Variants in TMTC3 observed in about 807,000 individuals in gnomAD.
TMTC3 encodes protein O-mannosyl-transferase TMTC3.
Under a neutral mutation model 92.2 loss-of-function variants are expected in TMTC3, and 52 were observed. That is an observed-to-expected ratio of 0.56 (90% confidence interval 0.45 to 0.71). The LOEUF (loss-of-function observed/expected upper bound fraction) is 0.71. Ranked by LOEUF, TMTC3 falls within the 30% of genes least tolerant of loss-of-function variation. The pLI is 0.00. For missense variants in TMTC3, 896 were observed against 1,057.1 expected (o/e 0.85, Z 2.11); for synonymous variants, 339 against 363.3 (o/e 0.93, Z 0.76).
intron 1 of TMTC3, among the ~76,000 whole-genome samples, chr12:88,147,441 C>T (rs1308792379): frequency 6.6e-6 from 1 of 152,076 alleles, no homozygotes; most frequent in Non-Finnish European, 1.5e-5. Flanking sequence ...TTGTTTCATT[C>T]GGTTTTTCTA....
intron 2 of TMTC3, among the ~76,000 whole-genome samples, chr12:88,151,373 T>A (rs1054459262): frequency 1.3e-5 from 2 of 152,234 alleles, no homozygotes; most frequent in Non-Finnish European, 2.9e-5. Context: ...GTTAGCTTAA[T>A]CATTCATTAC....
rs572465178 is a variant in TMTC3 at position 88,181,910 on chromosome 12, C to T, written c.1432+5591C>T. On this transcript the variant is annotated intron_variant, in intron 10 of 13. Coordinates refer to ENST00000266712, the MANE Select transcript of TMTC3 (RefSeq NM_181783.4). ...GCATTGGGTATGGGGGAGTGAACTA[C>T]TTGTGTAGACACAACTACAGGAGTA... Among the ~76,000 whole-genome samples, 207 of 152,270 alleles carry T rather than the reference C, an allele frequency of 1.4e-3. 5 individuals carry two copies. The South Asian group carries it at 0.041, about 30-fold the overall frequency.
At position 88,195,729 on chromosome 12, in the gene TMTC3, A is replaced by G; in HGVS notation, c.*80A>G. The stretch of plus-strand genomic sequence containing the variant: ...TTGCTTTTACTGGGAGCTTTGAAAA[A>G]AAGTTCAAGGGTTCCTAATGGTCAA... On this transcript the variant is annotated 3_prime_UTR_variant, in exon 14 of 14. Transcript: ENST00000266712. 3 of 1,280,088 alleles carry G rather than the reference A, an allele frequency of 2.3e-6. No individual in the cohort carries two copies. Among genetic ancestry groups the G allele is most frequent in the Non-Finnish European group, 3.2e-6 (3 of 938,792 alleles). The allele number at this position is 1,280,088 out of a possible 1,614,324, so 79.3% of individuals were successfully genotyped here. A position where few individuals can be genotyped will look rare whatever the true frequency, so the allele number is the denominator to read the frequency against.
intron 1 of TMTC3, 131 bp from the exon 2 acceptor site, chr12:88,148,157 T>G (rs1467813746): frequency 1.7e-6 from 1 of 594,600 alleles, no homozygotes; most frequent in African/African-American, 1.9e-5. Flanking sequence ...CTTATGCTTC[T>G]TAGAAGTGGA....
At chr12:88,145,012 A>G (rs1163168751) in intron 1 of TMTC3, among the ~76,000 whole-genome samples, 1 of 152,166 alleles carries the variant, frequency 6.6e-6, no homozygotes, top group Non-Finnish European at 1.5e-5. Context: ...GGCTTTTGTG[A>G]ACAGTTTTAT....
intron 4 of TMTC3, among the ~76,000 whole-genome samples, chr12:88,158,930 T>C (rs2041042061): frequency 6.6e-6 from 1 of 151,638 alleles, no homozygotes; most frequent in Non-Finnish European, 1.5e-5. Context: ...TGCATGCCTG[T>C]AATCCCAGCT....
At chr12:88,170,009 G>A (rs1211450382) in intron 7 of TMTC3, among the ~76,000 whole-genome samples, 1 of 151,830 alleles carries the variant, frequency 6.6e-6, no homozygotes, top group Non-Finnish European at 1.5e-5. Context: ...GCCGTATGTA[G>A]GAAATGAGAA....
chr12:88,180,365 G>A lies in TMTC3; in HGVS notation c.1432+4046G>A, dbSNP rs116327461. ...CCAAGCAGTTACGTTATTAGAGGCCGGGAAGGGGGTGTCTGCCCAGGTAAC... is the reference window on the plus strand; with the variant it reads ...CCAAGCAGTTACGTTATTAGAGGCCAGGAAGGGGGTGTCTGCCCAGGTAAC... On this transcript the variant is annotated intron_variant, in intron 10 of 13. Coordinates refer to ENST00000266712, the MANE Select transcript of TMTC3 (RefSeq NM_181783.4). 6.2e-3 allele frequency among the ~76,000 whole-genome samples: 949 copies of A among 152,224 alleles called. 15 individuals carry two copies. Among genetic ancestry groups the A allele is most frequent in the African/African-American group, 0.022 (904 of 41,546 alleles).
chr12:88,151,275 G>C (rs1165822639), intron 2 of TMTC3, among the ~76,000 whole-genome samples: 2 of 152,102 alleles, frequency 1.3e-5, no homozygotes, highest in Non-Finnish European at 2.9e-5. Flanking sequence ...GGCCTATAAA[G>C]TACCTTGTGC....
At chr12:88,168,486 G>T (rs560710444) in intron 7 of TMTC3, among the ~76,000 whole-genome samples, 1 of 152,310 alleles carries the variant, frequency 6.6e-6, no homozygotes, top group Non-Finnish European at 1.5e-5. Context: ...TCTGGCATTG[G>T]TAGACCTTCA....
intron 12 of TMTC3, among the ~76,000 whole-genome samples, chr12:88,192,181 A>C (rs745684096): frequency 6.6e-6 from 1 of 151,904 alleles, no homozygotes; most frequent in Non-Finnish European, 1.5e-5. Flanking sequence ...TACCACTACT[A>C]TATGTCATTT....
intron 10 of TMTC3, among the ~76,000 whole-genome samples, chr12:88,180,761 G>A (rs999638465): frequency 1.9e-4 from 29 of 152,096 alleles, no homozygotes; most frequent in African/African-American, 7.0e-4. Flanking sequence ...GAGGACTTGA[G>A]GGGGTGTGAA....
At position 88,148,355 on chromosome 12, in the gene TMTC3, G is replaced by A. The variant is rs2040900952; in HGVS notation, c.40G>A (p.Gly14Ser). 1.9e-6 allele frequency: 3 copies of A among 1,613,278 alleles called. No individual in the cohort carries two copies. The highest frequency in any genetic ancestry group is 1.7e-6 in the Non-Finnish European group (2 of 1,179,570). ...INLKEITLIV[G>S]VVTACYWNSL... The stretch of plus-strand genomic sequence containing the variant: ...CCTAAAAGAAATAACCTTAATAGTA[G>A]GTGTGGTTACTGCCTGCTATTGGAA... The change falls in exon 2 of 14, where the codon GGT becomes AGT. Residue 14 changes from glycine (G) to serine (S), a missense_variant. Physicochemically the swap from Gly to Ser is moderately conservative, Grantham distance 56. Coordinates refer to ENST00000266712, the MANE Select transcript of TMTC3 (RefSeq NM_181783.4).
intron 4 of TMTC3, among the ~76,000 whole-genome samples, chr12:88,154,773 A>C (rs2040985551): frequency 6.6e-6 from 1 of 152,200 alleles, no homozygotes; most frequent in South Asian, 2.1e-4. Flanking sequence ...GTAAGGTTAA[A>C]AGCCTCCTAG....
At position 88,192,729 on chromosome 12, in the gene TMTC3, A is replaced by G; in HGVS notation, c.1832A>G (p.Lys611Arg). Residue 611 changes from lysine to arginine, a missense_variant, in exon 13 of 14, where the codon AAA becomes AGA. Physicochemically the swap from Lys to Arg is conservative, Grantham distance 26. Transcript: ENST00000266712. ...YNLAIVHIEL[K>R]EPNEALKNFN... ...TTGGCAATTGTACATATTGAACTTA[A>G]AGAACCAAATGAAGCCCTAAAAAAC... The G allele has an allele frequency of 6.2e-7, 1 of 1,613,544 alleles. No homozygotes were observed. The highest frequency in any genetic ancestry group is 8.5e-7 in the Non-Finnish European group (1 of 1,179,688).
intron 7 of TMTC3, among the ~76,000 whole-genome samples, chr12:88,172,384 G>A (rs192003683): frequency 2.4e-4 from 36 of 151,662 alleles, no homozygotes; most frequent in Admixed American, 2.1e-3. Flanking sequence ...CCTTGCTTAC[G>A]TACATCCTGA....
chr12:88,155,886 G>A (rs963679642), intron 4 of TMTC3, among the ~76,000 whole-genome samples: 10 of 152,066 alleles, frequency 6.6e-5, no homozygotes, highest in East Asian at 1.9e-4. Context: ...TGAGGTGGGC[G>A]GATCACATTG....
intron 6 of TMTC3, among the ~76,000 whole-genome samples, chr12:88,163,481 A>G (rs1565947967): frequency 1.3e-5 from 2 of 152,210 alleles, no homozygotes; most frequent in Non-Finnish European, 2.9e-5. Context: ...ATAGCTTAAA[A>G]TAACAGAAAT....
Position 88,160,682 on chromosome 12 carries a change from A to G in TMTC3, c.628A>G (p.Thr210Ala). The G allele has an allele frequency of 6.2e-7, 1 of 1,612,388 alleles. No individual in the cohort carries two copies. The highest frequency in any genetic ancestry group is 8.5e-7 in the Non-Finnish European group (1 of 1,179,378). The change falls in exon 6 of 14, where the codon ACT becomes GCT. Residue 210 changes from threonine (T) to alanine (A), a missense_variant. Thr to Ala is a moderately conservative substitution (Grantham distance 58, BLOSUM62 0). Coordinates refer to ENST00000266712, the MANE Select transcript of TMTC3 (RefSeq NM_181783.4). ...AAACATTTCTTTTCTTTTTCAGTAT[A>G]CTTTGCCATTACTATGTACTACTGC... ...VYEVFIAQGY[T>A]LPLLCTTAGQ...
Sources: allele counts gnomAD v4.1 joint callset (sites outside exome capture counted in the v4.1 genomes callset), GRCh38; gene constraint gnomAD v4.1.1; transcripts MANE v1.5; gene names NCBI Gene and HGNC (gene_info 2026-07-23, HGNC 2026-07-21).